UNKL: variants seen among roughly 807,000 people sequenced by gnomAD.
UNKL encodes unk like zinc finger.
UNKL carries 60 observed loss-of-function variants against 78.0 expected under a neutral mutation model. That is an observed-to-expected ratio of 0.77 (90% CI 0.63 to 0.95). UNKL has a LOEUF of 0.95. Among genes scored for constraint, UNKL ranks in the 40% least tolerant of loss-of-function variants. UNKL has a pLI of 0.00. For synonymous variants in UNKL, 608 were observed against 474.8 expected, an observed-to-expected ratio of 1.28 and a Z score of -3.65; for missense variants, 1,159 against 1,045.7, an observed-to-expected ratio of 1.11 and a Z score of -1.49.
chr16:1,403,069 G>T lies in UNKL; in HGVS notation c.464+99C>A. 1 of 1,369,474 alleles carries T rather than the reference G, an allele frequency of 7.3e-7. No homozygotes were observed. The highest frequency in any genetic ancestry group is 9.8e-7 in the Non-Finnish European group (1 of 1,025,380). The allele number at this position is 1,369,474 out of a possible 1,614,324, so 84.8% of individuals were successfully genotyped here. On this transcript the variant is annotated intron_variant, in intron 3 of 14. Transcript: ENST00000389221. The surrounding 1 kb of genome is among the most constrained non-coding windows in gnomAD (Gnocchi z 4.8). Reference sequence around the variant, plus strand: ...AGAGAGATTTGGGCCAGCAGAGCCTGCAGCAGCAGGGAGGCGAGCCACTTG... The same window carrying T: ...AGAGAGATTTGGGCCAGCAGAGCCTTCAGCAGCAGGGAGGCGAGCCACTTG...
chr16:1,401,864 G>A lies in UNKL; in HGVS notation c.465-163C>T, dbSNP rs368218547. Among the ~76,000 whole-genome samples, 44 of 152,286 alleles carry A rather than the reference G, an allele frequency of 2.9e-4. 1 individual carries two copies. The South Asian group carries it at 8.1e-3, about 28-fold the overall frequency. ...GTGTGGCGCTCCGCTGTCCTGGCCC[G>A]CAGTCCTCATCCAAATCCCAACCAC... On this transcript the variant is annotated intron_variant, in intron 3 of 14. Coordinates refer to ENST00000389221, the MANE Select transcript of UNKL (RefSeq NM_001372107.1).
Position 1,413,229 on chromosome 16 carries a change from G to C in UNKL, c.287+617C>G, listed in dbSNP as rs185974035. 4.4e-3 allele frequency among the ~76,000 whole-genome samples: 514 copies of C among 116,258 alleles called. 1 individual carries two copies. Among genetic ancestry groups the C allele is most frequent in the Non-Finnish European group, 6.9e-3 (419 of 60,686 alleles). The allele number at this position is 116,258 out of a possible 152,430, so 76.3% of individuals were successfully genotyped here. On this transcript the variant is annotated intron_variant, in intron 2 of 14. Coordinates refer to ENST00000389221, the MANE Select transcript of UNKL (RefSeq NM_001372107.1). ...ATTGCACTCCAGCCCCAGCGACAGA[G>C]CAAGACCCTGTCTCAAAAAAAAAAA...
intron 4 of UNKL, 22 bp downstream of exon 4, chr16:1,401,546 T>G: frequency 1.5e-6 from 2 of 1,373,296 alleles, no homozygotes; most frequent in South Asian, 1.4e-5. Flanking sequence ...ACCACCGCCC[T>G]CAGCTGCGGC....
chr16:1,383,645 C>T, intron 10 of UNKL: 1 of 416,626 alleles, frequency 2.4e-6, no homozygotes, highest in Non-Finnish European at 5.0e-6. Flanking sequence ...TGGGGGCTTG[C>T]AGCTGGGCCT....
intron 2 of UNKL, among the ~76,000 whole-genome samples, chr16:1,410,165 C>G (rs182934164): frequency 7.9e-5 from 12 of 151,860 alleles, no homozygotes; most frequent in South Asian, 4.2e-4. Flanking sequence ...CTTTGGGAGG[C>G]TAAGGTGGGA....
chr16:1,367,507 TCCCTCCCC>T (rs1261642029), intron 13 of UNKL, 141 bp downstream of exon 13: 2 of 26,404 alleles, frequency 7.6e-5, no homozygotes, highest in East Asian at 1.1e-3. Flanking sequence ...CCTCCCTCCC[TCCCTCCCC>T]CTCCCGTCTC....
In UNKL at chr16:1,399,641, C is replaced by T. The variant is rs2142190169; in HGVS notation, c.599-132G>A. ...CAGGAGGACTTGGGGAGCGCAGACACACGCCACGGCACACGCTGATGTCAA... is the reference window on the plus strand; with the variant it reads ...CAGGAGGACTTGGGGAGCGCAGACATACGCCACGGCACACGCTGATGTCAA... On this transcript the variant is annotated intron_variant, in intron 4 of 14. Transcript: ENST00000389221. This position sits in a 1 kb window ranked among gnomAD's most constrained non-coding sequence, Gnocchi z 5.8. 3.8e-6 allele frequency: 5 copies of T among 1,313,810 alleles called. No homozygotes were observed. The highest frequency in any genetic ancestry group is 2.6e-5 in the South Asian group (2 of 76,940). The allele number at this position is 1,313,810 out of a possible 1,614,324, so 81.4% of individuals were successfully genotyped here. A position where few individuals can be genotyped will look rare whatever the true frequency, so the allele number is the denominator to read the frequency against.
chr16:1,377,968 G>A (rs1273715923), intron 10 of UNKL, among the ~76,000 whole-genome samples: 1 of 152,146 alleles, frequency 6.6e-6, no homozygotes, highest in Non-Finnish European at 1.5e-5. Flanking sequence ...CCTGAATCCT[G>A]ACCTGCAAGA....
At chr16:1,405,088 G>A (rs1247579054) in intron 2 of UNKL, among the ~76,000 whole-genome samples, 1 of 152,010 alleles carries the variant, frequency 6.6e-6, no homozygotes, top group South Asian at 2.1e-4. Flanking sequence ...CAGCTACTTG[G>A]GAGGCTGAGG....
chr16:1,367,782 A>G lies in UNKL; in HGVS notation c.1662T>C (p.Ser554=). The G allele has an allele frequency of 6.4e-7, 1 of 1,573,280 alleles. No homozygotes were observed. The highest frequency in any genetic ancestry group is 8.6e-7 in the Non-Finnish European group (1 of 1,159,952). ...SFSPSPSPIL[S]AGPPSSSSAS... ...CACTCGAAGAGGATGGGGGGCCGGC[A>G]CTCAGGATGGGGGAGGGGCTGGGGG... The change falls in exon 13 of 15, where the codon AGT becomes AGC. Residue 554 remains serine (S), a synonymous_variant. Coordinates refer to ENST00000389221, the MANE Select transcript of UNKL (RefSeq NM_001372107.1).
At chr16:1,410,563 C>A (rs943395447) in intron 2 of UNKL, among the ~76,000 whole-genome samples, 2 of 152,048 alleles carry the variant, frequency 1.3e-5, no homozygotes, top group Non-Finnish European at 2.9e-5. Context: ...GCCGAGATCA[C>A]GCCACTGCAC....
At chr16:1,390,765 G>C in intron 8 of UNKL, 71 bp from the exon 9 acceptor site, 2 of 1,504,052 alleles carry the variant, frequency 1.3e-6, no homozygotes, top group Non-Finnish European at 8.9e-7. Flanking sequence ...TACAATTCAG[G>C]CTGGGCACAG....
chr16:1,366,600 C>A (rs1460070985), intron 14 of UNKL, among the ~76,000 whole-genome samples: 3 of 152,162 alleles, frequency 2.0e-5, no homozygotes, highest in East Asian at 3.9e-4. Flanking sequence ...GTCTTAAGAG[C>A]CCTGGGCAGA....
At position 1,363,480 on chromosome 16, in the gene UNKL, C is replaced by A. The variant is rs1265539767; in HGVS notation, c.*2760G>T. Reference sequence around the variant, plus strand: ...GAACAAGGTCTGCTGACCACAGTTACACACGTCGTGACACCACTGTATCAC... The same window carrying A: ...GAACAAGGTCTGCTGACCACAGTTAAACACGTCGTGACACCACTGTATCAC... On this transcript the variant is annotated 3_prime_UTR_variant, in exon 15 of 15. Coordinates refer to ENST00000389221, the MANE Select transcript of UNKL (RefSeq NM_001372107.1). The A allele has an allele frequency of 6.1e-6, 2 of 327,148 alleles. No individual in the cohort carries two copies. Among genetic ancestry groups the A allele is most frequent in the Non-Finnish European group, 1.2e-5 (2 of 168,068 alleles). The allele number at this position is 327,148 out of a possible 1,614,324, so 20.3% of individuals were successfully genotyped here. A position where few individuals can be genotyped will look rare whatever the true frequency, so the allele number is the denominator to read the frequency against.
intron 10 of UNKL, chr16:1,379,445 G>A (rs2036483219): frequency 1.0e-6 from 1 of 979,524 alleles, no homozygotes; most frequent in African/African-American, 1.7e-5. Context: ...TTCCGAGAAG[G>A]CGACGCCTTC....
Position 1,396,877 on chromosome 16 carries a change from C to T in UNKL, c.852+301G>A, listed in dbSNP as rs149129990. On this transcript the variant is annotated intron_variant, in intron 6 of 14. Transcript: ENST00000389221. ...GGGATTACAGGCGTGAGCTACTGCA[C>T]CCAGACCTGAATATGTATGTTTTTA... Among the ~76,000 whole-genome samples, 3 of 152,326 alleles carry T rather than the reference C, an allele frequency of 2.0e-5. No individual in the cohort carries two copies. The East Asian group carries it at 5.8e-4, about 29-fold the overall frequency.
At position 1,399,225 on chromosome 16, in the gene UNKL, A is replaced by G. The variant is rs1047940995; in HGVS notation, c.734+149T>C. On this transcript the variant is annotated intron_variant, in intron 5 of 14. Transcript: ENST00000389221. The surrounding 1 kb of genome is among the most constrained non-coding windows in gnomAD (Gnocchi z 5.8). ...GGCCTCCATGGCACCTCCCACAGCC[A>G]CTGTGCTTGGAGATGCCCTCCCCTC... is the stretch of plus-strand genomic sequence containing the variant. 5.3e-6 allele frequency: 7 copies of G among 1,326,010 alleles called. No individual in the cohort carries two copies. In the African/African-American group the frequency reaches 7.4e-5, roughly 14 times the overall value. 82.1% of individuals were successfully genotyped at this position (1,326,010 alleles called of 1,614,324 possible). A position where few individuals can be genotyped will look rare whatever the true frequency, so the allele number is the denominator to read the frequency against.
intron 12 of UNKL, chr16:1,368,091 C>T (rs998161056): frequency 4.8e-5 from 28 of 579,670 alleles, no homozygotes; most frequent in South Asian, 1.9e-4. Flanking sequence ...ACCAGATCTA[C>T]GCCTTCCTGG....
At position 1,369,612 on chromosome 16, in the gene UNKL, G is replaced by A. The variant is rs577222845; in HGVS notation, c.1585+518C>T. On this transcript the variant is annotated intron_variant, in intron 12 of 14. Coordinates refer to ENST00000389221, the MANE Select transcript of UNKL (RefSeq NM_001372107.1). ...TTGAACTCCCAATCTCAGGTGATCC[G>A]CCTGCCTCAGCCTCCCAAAGTGCTG... Among the ~76,000 whole-genome samples, 35 of 151,936 alleles carry A rather than the reference G, an allele frequency of 2.3e-4. No individual in the cohort carries two copies. In the East Asian group the frequency reaches 6.8e-3, roughly 30 times the overall value.
Sources: allele counts gnomAD v4.1 joint callset (sites outside exome capture counted in the v4.1 genomes callset), GRCh38; gene constraint gnomAD v4.1.1; non-coding constraint Gnocchi (gnomAD v3.1); transcripts MANE v1.5; gene names NCBI Gene and HGNC (gene_info 2026-07-23, HGNC 2026-07-21).